Variants in EGFR observed in about 807,000 individuals in gnomAD.
EGFR encodes the protein epidermal growth factor receptor.
In EGFR, 58 loss-of-function variants were observed where a neutral mutation model predicts 143.0. That is an observed-to-expected ratio of 0.41 (90% CI 0.33 to 0.50). The LOEUF (loss-of-function observed/expected upper bound fraction) is 0.50. Ranked by LOEUF, EGFR falls within the 20% of genes least tolerant of loss-of-function variation. EGFR has a pLI of 0.39. For missense variants in EGFR, 1,307 were observed against 1,579.0 expected, an observed-to-expected ratio of 0.83 and a Z score of 2.92; for synonymous variants, 613 against 594.4, an observed-to-expected ratio of 1.03 and a Z score of -0.45.
Position 55,204,961 on chromosome 7 carries a change from T to C in EGFR, c.3272-295T>C, listed in dbSNP as rs41514345. ...ACCAGACACACATACCACATACACA[T>C]CACACATATATGTATACATGCATAC... On this transcript the variant is annotated intron_variant, in intron 27 of 27. Transcript: ENST00000275493. Among the ~76,000 whole-genome samples, 6,333 of 150,912 alleles carry C rather than the reference T, an allele frequency of 0.042. 438 individuals carry two copies. Among genetic ancestry groups the C allele is most frequent in the African/African-American group, 0.14 (5,946 of 41,060 alleles).
At chr7:55,108,836 T>A (rs1357164652) in intron 1 of EGFR, among the ~76,000 whole-genome samples, 1 of 152,192 alleles carries the variant, frequency 6.6e-6, no homozygotes, top group African/African-American at 2.4e-5. Context: ...AGGGCCAAAG[T>A]TTGACTTCAT....
intron 1 of EGFR, among the ~76,000 whole-genome samples, chr7:55,099,708 C>A (rs532359274): frequency 1.3e-5 from 2 of 152,094 alleles, no homozygotes; most frequent in African/African-American, 4.8e-5. Context: ...ACTCCTGGGA[C>A]GGTGTGCCGA....
At chr7:55,150,036 C>G (rs562198081) in intron 4 of EGFR, among the ~76,000 whole-genome samples, 185 of 152,226 alleles carry the variant, frequency 1.2e-3, no homozygotes, top group African/African-American at 1.9e-3. Flanking sequence ...ATACGATGTG[C>G]CTGCATTTCT....
At chr7:55,164,008 A>G (rs1785842104) in intron 14 of EGFR, among the ~76,000 whole-genome samples, 185 bp downstream of exon 14, 1 of 152,216 alleles carries the variant, frequency 6.6e-6, no homozygotes, top group South Asian at 2.1e-4. Flanking sequence ...CACACACATT[A>G]GCCTGCGATG....
At chr7:55,075,218 G>T (rs759168) in intron 1 of EGFR, among the ~76,000 whole-genome samples, 130,046 of 151,802 alleles carry the variant, frequency 0.86, 56,016 homozygotes, top group East Asian at 0.97. Flanking sequence ...ATGTTTCAAA[G>T]AATTCCACCA....
intron 15 of EGFR, 91 bp downstream of exon 15, chr7:55,165,528 C>A (rs1785934337): frequency 6.6e-7 from 1 of 1,507,936 alleles, no homozygotes; most frequent in South Asian, 1.3e-5. Context: ...AACAAATTGC[C>A]GAGGTTTGTA....
chr7:55,108,556 A>G (rs1792275086), intron 1 of EGFR, among the ~76,000 whole-genome samples: 1 of 152,244 alleles, frequency 6.6e-6, no homozygotes, highest in African/African-American at 2.4e-5. Flanking sequence ...GAGAAATAGC[A>G]GTAGGCTGAA....
chr7:55,201,570 G>A (rs923090863), intron 25 of EGFR, among the ~76,000 whole-genome samples, 165 bp from the exon 26 acceptor site: 7 of 152,168 alleles, frequency 4.6e-5, no homozygotes, highest in African/African-American at 1.7e-4. Context: ...ACTATGGAAT[G>A]TAATTAAATC....
At chr7:55,085,562 A>G (rs942248397) in intron 1 of EGFR, among the ~76,000 whole-genome samples, 3 of 152,224 alleles carry the variant, frequency 2.0e-5, no homozygotes, top group Admixed American at 6.5e-5. Context: ...ACTAAAGCAC[A>G]TGGGTGGTGC....
chr7:55,156,019 AG>A, intron 8 of EGFR, 73 bp downstream of exon 8: 1 of 983,226 alleles, frequency 1.0e-6, no homozygotes, highest in Non-Finnish European at 1.6e-6. Flanking sequence ...CCACCTCCAA[AG>A]GAACACATCT....
At chr7:55,063,531 T>A (rs547387161) in intron 1 of EGFR, among the ~76,000 whole-genome samples, 1 of 152,188 alleles carries the variant, frequency 6.6e-6, no homozygotes, top group Non-Finnish European at 1.5e-5. Context: ...CTTGCACTCA[T>A]GGAAAAAGTT....
intron 1 of EGFR, among the ~76,000 whole-genome samples, chr7:55,124,334 C>T (rs996346007): frequency 6.6e-6 from 1 of 152,110 alleles, no homozygotes; most frequent in African/African-American, 2.4e-5. Context: ...ATAAAATTGA[C>T]TAAATTATTC....
intron 1 of EGFR, among the ~76,000 whole-genome samples, chr7:55,056,624 G>A (rs1049843548): frequency 1.4e-4 from 22 of 152,280 alleles, no homozygotes; most frequent in South Asian, 8.3e-4. Context: ...AGAAGTACAC[G>A]TGTTTTGTTA....
At chr7:55,198,211 T>G (rs1787699280) in intron 22 of EGFR, among the ~76,000 whole-genome samples, 1 of 152,228 alleles carries the variant, frequency 6.6e-6, no homozygotes. Flanking sequence ...ATTCAGTTTC[T>G]TCCTGAGGTT....
At chr7:55,205,145 C>T in intron 27 of EGFR, 111 bp from the exon 28 acceptor site, 2 of 1,520,666 alleles carry the variant, frequency 1.3e-6, no homozygotes, top group Non-Finnish European at 1.8e-6. Flanking sequence ...GGCTCCTGCT[C>T]CCTGTCATAA....
rs916296197 is a variant in EGFR at position 55,198,874 on chromosome 7, G to C, written c.2848+11G>C. The C allele has an allele frequency of 6.2e-7, 1 of 1,613,982 alleles. No homozygotes were observed. Among genetic ancestry groups the C allele is most frequent in the South Asian group, 1.1e-5 (1 of 91,082 alleles). ...TGATCATGGTCAAGTGTGAGTGACT[G>C]GTGGGTCTGTCCACACTGCCTAGCT... On this transcript the variant is annotated intron_variant, in intron 23 of 27. Coordinates refer to ENST00000275493, the MANE Select transcript of EGFR (RefSeq NM_005228.5).
intron 1 of EGFR, among the ~76,000 whole-genome samples, chr7:55,059,900 C>T (rs1027732685): frequency 6.6e-6 from 1 of 152,014 alleles, no homozygotes; most frequent in African/African-American, 2.4e-5. Flanking sequence ...TGTTCTGACC[C>T]AGATAAGGGC....
At chr7:55,105,480 C>G (rs1461109939) in intron 1 of EGFR, among the ~76,000 whole-genome samples, 1 of 152,364 alleles carries the variant, frequency 6.6e-6, no homozygotes, top group East Asian at 1.9e-4. Context: ...AAAACAGAGT[C>G]TTTCATGATC....
At chr7:55,054,838 T>C (rs1232220920) in intron 1 of EGFR, among the ~76,000 whole-genome samples, 1 of 152,192 alleles carries the variant, frequency 6.6e-6, no homozygotes, top group African/African-American at 2.4e-5. Flanking sequence ...CTCTTTCCCA[T>C]GTTTGTGGCT....
Sources: allele counts gnomAD v4.1 joint callset (sites outside exome capture counted in the v4.1 genomes callset), GRCh38; gene constraint gnomAD v4.1.1; transcripts MANE v1.5; gene names NCBI Gene and HGNC (gene_info 2026-07-23, HGNC 2026-07-21).